KBTBD4: variants seen among roughly 807,000 people sequenced by gnomAD.
KBTBD4 encodes the protein kelch repeat and BTB domain-containing protein 4.
A neutral mutation model predicts 43.9 loss-of-function variants in KBTBD4; 30 were observed. That is an observed-to-expected ratio of 0.68 (90% CI 0.51 to 0.93). The LOEUF is 0.93. Among genes scored for constraint, KBTBD4 ranks in the 40% least tolerant of loss-of-function variants. KBTBD4 has a pLI of 0.00. For synonymous variants in KBTBD4, 258 were observed against 256.9 expected (o/e 1.00, Z -0.04); for missense variants, 575 against 668.8 (o/e 0.86, Z 1.55).
At chr11:47,578,325 G>A (rs1443582785) in intron 1 of KBTBD4, 2 of 577,126 alleles carry the variant, frequency 3.5e-6, no homozygotes, top group African/African-American at 3.7e-5. Context: ...TTGGGATTTA[G>A]GTCAATATAT....
rs191590150 is a variant in KBTBD4 at position 47,573,971 on chromosome 11, C to T, written c.745-181G>A. On this transcript the variant is annotated intron_variant, in intron 3 of 3. Transcript: ENST00000430070. This position sits in a 1 kb window ranked among gnomAD's most constrained non-coding sequence, Gnocchi z 4.1. ...TTTCTTTGAGGCAATTTATGCCGGG[C>T]GGAGAATCTGTTGTATTCATCCTTG... 6.8e-4 allele frequency among the ~76,000 whole-genome samples: 104 copies of T among 152,196 alleles called. No individual in the cohort carries two copies. Among genetic ancestry groups the T allele is most frequent in the Non-Finnish European group, 1.2e-3 (80 of 68,020 alleles).
intron 2 of KBTBD4, chr11:47,576,569 C>A (rs928893102): frequency 6.6e-6 from 1 of 152,012 alleles, no homozygotes; most frequent in African/African-American, 2.4e-5. Flanking sequence ...TTTATACAAT[C>A]TGAAGAGAAA....
At chr11:47,577,134 A>G (rs2097261169) in intron 2 of KBTBD4, among the ~76,000 whole-genome samples, 1 of 152,146 alleles carries the variant, frequency 6.6e-6, no homozygotes, top group African/African-American at 2.4e-5. Context: ...AGTACAGGAT[A>G]AATTAGAGTA....
At position 47,572,458 on chromosome 11, in the gene KBTBD4, C is replaced by T. The variant is rs986072939; in HGVS notation, c.*472G>A. 1.3e-5 allele frequency: 2 copies of T among 156,720 alleles called. No homozygotes were observed. The highest frequency in any genetic ancestry group is 2.4e-5 in the African/African-American group (1 of 41,524). 9.7% of individuals were successfully genotyped at this position (156,720 alleles called of 1,614,324 possible). On this transcript the variant is annotated 3_prime_UTR_variant, in exon 4 of 4. Coordinates refer to ENST00000430070, the MANE Select transcript of KBTBD4 (RefSeq NM_018095.6). Reference sequence around the variant, plus strand: ...GACTCTTGCTGGTGAAGTACACCTTCAGCTTAGTCCATTCTCCTAAGTAAA... The same window carrying T: ...GACTCTTGCTGGTGAAGTACACCTTTAGCTTAGTCCATTCTCCTAAGTAAA...
chr11:47,577,463 A>T lies in KBTBD4; in HGVS notation c.585T>A (p.Asn195Lys), dbSNP rs1316309150. ...GGGGCAAGTGGAGAAATTCCTCTGT[A>T]TTCTGCAGCTGGGCCAGGTGGGTCT... is the stretch of plus-strand genomic sequence containing the variant. The part of the protein sequence containing the change: ...CAKTHLAQLQ[N>K]TEEFLHLPHR... The change falls in exon 2 of 4, where the codon AAT (asparagine) becomes AAA (lysine). Residue 195 changes from asparagine to lysine, a missense_variant. Asn to Lys is a moderately conservative substitution (Grantham distance 94). Transcript: ENST00000430070. 6.2e-7 allele frequency: 1 copy of T among 1,613,216 alleles called. No individual in the cohort carries two copies. The highest frequency in any genetic ancestry group is 1.7e-5 in the Admixed American group (1 of 59,988).
In KBTBD4 at chr11:47,578,011, T is replaced by A; in HGVS notation, c.37A>T (p.Lys13Ter). The A allele has an allele frequency of 6.2e-7, 1 of 1,614,108 alleles. No homozygotes were observed. Among genetic ancestry groups the A allele is most frequent in the Non-Finnish European group, 8.5e-7 (1 of 1,180,026 alleles). ...GGNADSWQRE[K>*]LASMESPEEP... ...TCTGGTGATTCCATGCTAGCCAACT[T>A]CTCTCTCTGCCAGCTGTCTGCAAAG... The change falls in exon 2 of 4, where the codon AAG becomes TAG. Residue 13 changes from lysine (K) to a stop codon, truncating the protein, a stop_gained. Transcript: ENST00000430070. LOFTEE classifies it high-confidence loss of function.
In KBTBD4 at chr11:47,573,072, C is replaced by T. The variant is rs1288654504; in HGVS notation, c.1463G>A (p.Cys488Tyr). The change falls in exon 4 of 4, where the codon TGT becomes TAT. Residue 488 changes from cysteine to tyrosine, a missense_variant. Physicochemically the swap from Cys to Tyr is radical, Grantham distance 194 (BLOSUM62 -2). Transcript: ENST00000430070. The surrounding 1 kb of genome is among the most constrained non-coding windows in gnomAD (Gnocchi z 4.1). The part of the protein sequence containing the change: ...SAPSLWKIAS[C>Y]NGSIYVFRDR... ...CCGGAAGACATAGATGCTCCCGTTACAGCTGGCAATCTTCCAGAGGGATGG... is the reference window on the plus strand; with the variant it reads ...CCGGAAGACATAGATGCTCCCGTTATAGCTGGCAATCTTCCAGAGGGATGG... 4 of 1,614,102 alleles carry T rather than the reference C, an allele frequency of 2.5e-6. No homozygotes were observed. Among genetic ancestry groups the T allele is most frequent in the African/African-American group, 1.3e-5 (1 of 74,938 alleles).
In KBTBD4 at chr11:47,577,944, T is replaced by C. The variant is rs2097263350; in HGVS notation, c.104A>G (p.Tyr35Cys). 6.2e-7 allele frequency: 1 copy of C among 1,614,210 alleles called. No homozygotes were observed. Among genetic ancestry groups the C allele is most frequent in the Non-Finnish European group, 8.5e-7 (1 of 1,180,028 alleles). Residue 35 changes from tyrosine to cysteine, a missense_variant, in exon 2 of 4, where the codon TAC becomes TGC. Physicochemically the swap from Tyr to Cys is radical, Grantham distance 194. Transcript: ENST00000430070. ...TGAATGTGACCGATCTTTGAAAGTG[T>C]AGTTCACAAAGTAGTTCTCATCCAT... ...ASMDENYFVN[Y>C]TFKDRSHSGR...
intron 2 of KBTBD4, 75 bp from the exon 3 acceptor site, chr11:47,575,774 T>C: frequency 1.1e-6 from 1 of 910,314 alleles, no homozygotes; most frequent in Non-Finnish European, 1.8e-6. Flanking sequence ...TTTAAAGATG[T>C]GAACCACTTT....
rs1197605212 is a variant in KBTBD4 at position 47,573,332 on chromosome 11, C to T, written c.1203G>A (p.Gly401=). ...NLNGIIYLLG[G]EENDLDFFTK... ...TAAAGAAGTCCAGATCATTCTCCTCCCCCCCTAGTAAGTAGATGATCCCGT... is the reference window on the plus strand; with the variant it reads ...TAAAGAAGTCCAGATCATTCTCCTCTCCCCCTAGTAAGTAGATGATCCCGT... The change falls in exon 4 of 4, where the codon GGG becomes GGA. Residue 401 remains glycine (G), a synonymous_variant. Transcript: ENST00000430070. The surrounding 1 kb of genome is among the most constrained non-coding windows in gnomAD (Gnocchi z 4.1). 1 of 1,614,192 alleles carries T rather than the reference C, an allele frequency of 6.2e-7. No homozygotes were observed. Among genetic ancestry groups the T allele is most frequent in the African/African-American group, 1.3e-5 (1 of 75,028 alleles).
At chr11:47,577,330 G>C (rs1309405913) in intron 2 of KBTBD4, 81 bp downstream of exon 2, 2 of 1,379,316 alleles carry the variant, frequency 1.4e-6, no homozygotes, top group African/African-American at 2.9e-5. Flanking sequence ...AAGCTTGAGG[G>C]TTCTTTTCTC....
chr11:47,577,949 C>T lies in KBTBD4; in HGVS notation c.99G>A (p.Val33=). The T allele has an allele frequency of 1.2e-6, 2 of 1,614,162 alleles. No homozygotes were observed. The highest frequency in any genetic ancestry group is 1.7e-6 in the Non-Finnish European group (2 of 1,180,036). ...GTGACCGATCTTTGAAAGTGTAGTT[C>T]ACAAAGTAGTTCTCATCCATGGATG... The part of the protein sequence containing the change: ...PGASMDENYF[V]NYTFKDRSHS... Residue 33 remains valine (V), a synonymous_variant, in exon 2 of 4, where the codon GTG becomes GTA. Coordinates refer to ENST00000430070, the MANE Select transcript of KBTBD4 (RefSeq NM_018095.6).
In KBTBD4 at chr11:47,573,335, C is replaced by A. The variant is rs141320690; in HGVS notation, c.1200G>T (p.Gly400=). Residue 400 remains glycine (G), a synonymous_variant, in exon 4 of 4, where the codon GGG becomes GGT. Coordinates refer to ENST00000430070, the MANE Select transcript of KBTBD4 (RefSeq NM_018095.6). This position sits in a 1 kb window ranked among gnomAD's most constrained non-coding sequence, Gnocchi z 4.1. The part of the protein sequence containing the change: ...ANLNGIIYLL[G]GEENDLDFFT... ...AGAAGTCCAGATCATTCTCCTCCCC[C>A]CCTAGTAAGTAGATGATCCCGTTGA... 1.2e-4 allele frequency: 189 copies of A among 1,614,220 alleles called. 2 individuals are homozygous for A. The South Asian group carries it at 1.6e-3, about 14-fold the overall frequency.
chr11:47,573,046 C>T lies in KBTBD4; in HGVS notation c.1489G>A (p.Asp497Asn), dbSNP rs2153793366. The change falls in exon 4 of 4, where the codon GAC (aspartate) becomes AAC (asparagine). Residue 497 changes from aspartate (D) to asparagine (N), a missense_variant. Transcript: ENST00000430070. This position sits in a 1 kb window ranked among gnomAD's most constrained non-coding sequence, Gnocchi z 4.1. ...SCNGSIYVFR[D>N]RYKKGDANTY... Reference sequence around the variant, plus strand: ...TTGGCATCCCCCTTTTTATATCGGTCCCGGAAGACATAGATGCTCCCGTTA... The same window carrying T: ...TTGGCATCCCCCTTTTTATATCGGTTCCGGAAGACATAGATGCTCCCGTTA... The T allele has an allele frequency of 6.2e-7, 1 of 1,614,146 alleles. No homozygotes were observed. The highest frequency in any genetic ancestry group is 1.1e-5 in the South Asian group (1 of 91,082).
In KBTBD4 at chr11:47,577,413, G is replaced by C. The variant is rs371150449; in HGVS notation, c.635C>G (p.Ser212Trp). 2 of 1,598,368 alleles carry C rather than the reference G, an allele frequency of 1.3e-6. No homozygotes were observed. Among genetic ancestry groups the C allele is most frequent in the African/African-American group, 2.7e-5 (2 of 74,750 alleles). The change falls in exon 2 of 4, where the codon TCG (serine) becomes TGG (tryptophan). Residue 212 changes from serine to tryptophan, a missense_variant and splice_region_variant. Ser to Trp is a radical substitution (Grantham distance 177). Coordinates refer to ENST00000430070, the MANE Select transcript of KBTBD4 (RefSeq NM_018095.6). ...LPHRLLTDIISDGVPCSQNPT... is the reference protein window; with the variant it reads ...LPHRLLTDIIWDGVPCSQNPT... ...GTGTGTCCCCTCCCTAAACTTACCC[G>C]AGATGATATCTGTGAGTAAGCGGTG...
intron 3 of KBTBD4, among the ~76,000 whole-genome samples, chr11:47,575,156 G>A (rs2097256714): frequency 6.6e-6 from 1 of 150,484 alleles, no homozygotes; most frequent in Non-Finnish European, 1.5e-5. Flanking sequence ...GTTGCAGCGA[G>A]CTGAGATTGC....
Position 47,574,391 on chromosome 11 carries a change from G to C in KBTBD4, c.745-601C>G, listed in dbSNP as rs551323175. On this transcript the variant is annotated intron_variant, in intron 3 of 3. Coordinates refer to ENST00000430070, the MANE Select transcript of KBTBD4 (RefSeq NM_018095.6). ...ATGCACCTGTAGTCCCAGCTACTCG[G>C]GAGGCTGAGACAGAAGAATTGCTTG... Among the ~76,000 whole-genome samples, 6 of 152,220 alleles carry C rather than the reference G, an allele frequency of 3.9e-5. No individual in the cohort carries two copies. The East Asian group carries it at 9.6e-4, about 24-fold the overall frequency.
chr11:47,575,274 G>A (rs375843394), intron 3 of KBTBD4, among the ~76,000 whole-genome samples: 3 of 151,220 alleles, frequency 2.0e-5, no homozygotes, highest in South Asian at 2.1e-4. Flanking sequence ...TTTGGGAGGC[G>A]GAGGCGGGCG....
rs1382630188 is a variant in KBTBD4 at position 47,577,612 on chromosome 11, G to C, written c.436C>G (p.Leu146Val). 1.2e-6 allele frequency: 2 copies of C among 1,614,198 alleles called. No homozygotes were observed. The highest frequency in any genetic ancestry group is 1.3e-5 in the African/African-American group (1 of 75,050). Residue 146 changes from leucine (L) to valine (V), a missense_variant, in exon 2 of 4, where the codon CTC becomes GTC. By Grantham distance (32) the Leu-to-Val change is conservative. Transcript: ENST00000430070. ...AAAAACCGAGAGCATTCCTCAAAGA[G>C]AGATGTCAGCTGATACATGTCTGAC... ...EVSDMYQLTSLFEECSRFLAR... is the reference protein window; with the variant it reads ...EVSDMYQLTSVFEECSRFLAR...
Sources: gnomAD v4.1 joint callset for allele counts (sites outside exome capture counted in the v4.1 genomes callset) on GRCh38, gnomAD v4.1.1 for gene constraint, Gnocchi (gnomAD v3.1) non-coding constraint, MANE v1.5 for transcripts, NCBI Gene and HGNC (gene_info 2026-07-23, HGNC 2026-07-21) for gene names.